Variants in FBXL20 observed in about 807,000 individuals in gnomAD.
FBXL20 encodes the protein F-box/LRR-repeat protein 20.
In FBXL20, 11 loss-of-function variants were observed where a neutral mutation model predicts 64.0. The ratio of observed to expected loss-of-function variants is 0.17; its 90% CI spans 0.11 to 0.28. FBXL20 has a LOEUF of 0.28. Among genes scored for constraint, FBXL20 ranks in the 10% least tolerant of loss-of-function variants. FBXL20 has a pLI of 1.00. For missense variants in FBXL20, 303 were observed against 526.2 expected (o/e 0.58, Z 4.15); for synonymous variants, 184 against 189.0 (o/e 0.97, Z 0.22).
chr17:39,303,743 GT>G (rs1268000513), intron 2 of FBXL20, 104 bp from the exon 3 acceptor site: 66 of 1,029,628 alleles, frequency 6.4e-5, no homozygotes, highest in Non-Finnish European at 9.2e-5. Context: ...CTGGAGAGCA[GT>G]GGCATAATCA....
At chr17:39,275,190 C>A in intron 9 of FBXL20, 90 bp from the exon 10 acceptor site, 2 of 1,347,060 alleles carry the variant, frequency 1.5e-6, no homozygotes, top group South Asian at 1.4e-5. Context: ...AAATAATCAC[C>A]AAAAAGGAAA....
chr17:39,282,001 G>A (rs1216970764), intron 8 of FBXL20, among the ~76,000 whole-genome samples: 1 of 152,158 alleles, frequency 6.6e-6, no homozygotes, highest in Non-Finnish European at 1.5e-5. Context: ...AGAAGCTCAA[G>A]CTGTTGTTTT....
intron 6 of FBXL20, among the ~76,000 whole-genome samples, chr17:39,293,598 G>A (rs778474243): frequency 5.3e-5 from 8 of 152,296 alleles, no homozygotes; most frequent in Admixed American, 2.6e-4. Context: ...CCACCAAGGT[G>A]TAATCTTTCT....
chr17:39,370,060 G>A (rs1328156902), intron 1 of FBXL20, among the ~76,000 whole-genome samples: 3 of 151,968 alleles, frequency 2.0e-5, no homozygotes, highest in Non-Finnish European at 2.9e-5. Context: ...TCAGTGAGCC[G>A]TGAACATTCC....
intron 2 of FBXL20, among the ~76,000 whole-genome samples, chr17:39,315,590 G>T (rs112354872): frequency 2.6e-5 from 4 of 151,756 alleles, no homozygotes; most frequent in African/African-American, 9.7e-5. Flanking sequence ...GTGAGGAGAG[G>T]ACCCTTGAGG....
intron 1 of FBXL20, among the ~76,000 whole-genome samples, chr17:39,366,610 G>C (rs1371975297): frequency 3.9e-5 from 6 of 152,112 alleles, no homozygotes; most frequent in Non-Finnish European, 5.9e-5. Flanking sequence ...TCTAAAATAT[G>C]TATTTACCTT....
At chr17:39,315,835 G>C (rs930398895) in intron 2 of FBXL20, among the ~76,000 whole-genome samples, 6 of 52,188 alleles carry the variant, frequency 1.1e-4, no homozygotes, top group Admixed American at 2.2e-4. Flanking sequence ...GAGACAGAGA[G>C]AGAGAGAGAG....
intron 1 of FBXL20, among the ~76,000 whole-genome samples, chr17:39,372,615 A>T (rs2047929446): frequency 6.7e-6 from 1 of 149,032 alleles, no homozygotes; most frequent in Non-Finnish European, 1.5e-5. Context: ...TCTGTTTGAT[A>T]ATTTTTTTTT....
At chr17:39,299,564 G>A (rs912438924) in intron 4 of FBXL20, among the ~76,000 whole-genome samples, 17 of 146,932 alleles carry the variant, frequency 1.2e-4, no homozygotes, top group East Asian at 8.4e-4. Flanking sequence ...GGTGGATCAC[G>A]AGGTCAGGAG....
intron 10 of FBXL20, among the ~76,000 whole-genome samples, chr17:39,271,597 C>CAAAAAAAA (rs11362087): frequency 2.0e-5 from 1 of 50,776 alleles, no homozygotes; most frequent in Non-Finnish European, 3.2e-5. Flanking sequence ...GGCTCCGACT[C>CAAAAAAAA]AAAAAAAAAA....
At position 39,401,304 on chromosome 17, in the gene FBXL20, G is replaced by C. The variant is rs1597844750; in HGVS notation, c.42+57C>G. ...AGGCTCCGTGCGGAGCGGACGTTTT[G>C]GGATTAGAGCGCGCGACCCGCCCTC... On this transcript the variant is annotated intron_variant, in intron 1 of 14. Coordinates refer to ENST00000264658, the MANE Select transcript of FBXL20 (RefSeq NM_032875.3). 3.1e-6 allele frequency: 5 copies of C among 1,611,590 alleles called. No individual in the cohort carries two copies. The East Asian group carries it at 1.1e-4, about 36-fold the overall frequency.
intron 2 of FBXL20, among the ~76,000 whole-genome samples, chr17:39,342,513 A>T (rs776282738): frequency 1.3e-5 from 2 of 152,162 alleles, no homozygotes; most frequent in Non-Finnish European, 2.9e-5. Context: ...CAGGAGATCA[A>T]GACCATCCTG....
At chr17:39,363,273 C>T (rs901425258) in intron 1 of FBXL20, among the ~76,000 whole-genome samples, 15 of 151,860 alleles carry the variant, frequency 9.9e-5, no homozygotes, top group African/African-American at 3.6e-4. Context: ...CTGGGCCTCC[C>T]AAAGTGCTGG....
intron 1 of FBXL20, among the ~76,000 whole-genome samples, chr17:39,366,512 T>C (rs892738682): frequency 3.9e-5 from 6 of 152,180 alleles, no homozygotes; most frequent in African/African-American, 1.4e-4. Flanking sequence ...GTACCCCATA[T>C]TGTCTCACTT....
chr17:39,343,798 C>T (rs1039430596), intron 1 of FBXL20, among the ~76,000 whole-genome samples: 3 of 151,706 alleles, frequency 2.0e-5, no homozygotes, highest in South Asian at 2.1e-4. Flanking sequence ...CAGGTTCAAG[C>T]GATTCTCCTG....
intron 2 of FBXL20, among the ~76,000 whole-genome samples, chr17:39,335,094 C>G (rs2047507402): frequency 6.6e-6 from 1 of 152,116 alleles, no homozygotes; most frequent in South Asian, 2.1e-4. Flanking sequence ...TTGTGAAGAC[C>G]CTGTTTCTCT....
At chr17:39,360,545 G>A (rs2047784716) in intron 1 of FBXL20, among the ~76,000 whole-genome samples, 1 of 152,134 alleles carries the variant, frequency 6.6e-6, no homozygotes, top group Admixed American at 6.6e-5. Flanking sequence ...TTCTCTACAT[G>A]GTTTGGGTTA....
intron 2 of FBXL20, among the ~76,000 whole-genome samples, chr17:39,306,437 CCT>C (rs1394974643): frequency 6.6e-6 from 1 of 152,066 alleles, no homozygotes; most frequent in African/African-American, 2.4e-5. Context: ...AAGTTTTTCT[CCT>C]GTTTTCTTCC....
chr17:39,380,432 A>G (rs1169122133), intron 1 of FBXL20, among the ~76,000 whole-genome samples: 1 of 152,204 alleles, frequency 6.6e-6, no homozygotes, highest in Admixed American at 6.5e-5. Context: ...CTTAGAGTAC[A>G]TCAAGGACAC....
Sources: gnomAD v4.1 joint callset for allele counts (sites outside exome capture counted in the v4.1 genomes callset) on GRCh38, gnomAD v4.1.1 for gene constraint, MANE v1.5 for transcripts, NCBI Gene and HGNC (gene_info 2026-07-23, HGNC 2026-07-21) for gene names.